PCSK5: variants seen among roughly 807,000 people sequenced by gnomAD.
The protein encoded by PCSK5 is proprotein convertase subtilisin/kexin type 5.
In PCSK5, 129 loss-of-function variants were observed where a neutral mutation model predicts 233.2. That is an observed-to-expected ratio of 0.55 (90% CI 0.48 to 0.64). The LOEUF (loss-of-function observed/expected upper bound fraction) is 0.64. Ranked by LOEUF, PCSK5 falls within the 30% of genes least tolerant of loss-of-function variation. The probability of loss-of-function intolerance (pLI) is 0.00; values close to 1 mark genes in which losing one functional copy is unlikely to be tolerated. For synonymous variants in PCSK5, 825 were observed against 879.2 expected, an observed-to-expected ratio of 0.94 and a Z score of 1.09; for missense variants, 2,076 against 2,430.1, an observed-to-expected ratio of 0.85 and a Z score of 3.06.
At chr9:76,310,909 G>A (rs1360291002) in intron 30 of PCSK5, 58 bp downstream of exon 30, 21 of 1,140,006 alleles carry the variant, frequency 1.8e-5, no homozygotes, top group Non-Finnish European at 2.4e-5. Flanking sequence ...TGGTACTTTG[G>A]GAGCAATTCT....
chr9:76,286,139 C>CA (rs375819018), intron 24 of PCSK5, among the ~76,000 whole-genome samples: 14 of 152,216 alleles, frequency 9.2e-5, no homozygotes, highest in African/African-American at 3.4e-4. Flanking sequence ...TCCTGCAGGT[C>CA]ATTTTTCCCC....
chr9:76,093,173 C>T (rs1189400421), intron 7 of PCSK5, among the ~76,000 whole-genome samples: 1 of 148,246 alleles, frequency 6.7e-6, no homozygotes, highest in East Asian at 2.1e-4. Flanking sequence ...TAGCGCGCTG[C>T]AGCCTCAAAC....
At chr9:76,088,339 G>A (rs7027921) in intron 7 of PCSK5, among the ~76,000 whole-genome samples, 4,756 of 152,200 alleles carry the variant, frequency 0.031, 151 homozygotes, top group African/African-American at 0.077. Flanking sequence ...ATTTTTGCTT[G>A]GAAACAAGTG....
chr9:76,068,825 C>A (rs900542425), intron 6 of PCSK5, among the ~76,000 whole-genome samples: 4 of 152,104 alleles, frequency 2.6e-5, no homozygotes, highest in African/African-American at 9.7e-5. Flanking sequence ...CCCTAGGGGT[C>A]TCCTAAGAGC....
chr9:76,129,597 A>G (rs538102325), intron 9 of PCSK5, among the ~76,000 whole-genome samples: 1 of 152,254 alleles, frequency 6.6e-6, no homozygotes, highest in African/African-American at 2.4e-5. Flanking sequence ...AGTGCAGGTG[A>G]GTCAGTCACC....
intron 6 of PCSK5, among the ~76,000 whole-genome samples, chr9:76,070,648 C>A (rs778263733): frequency 2.6e-5 from 4 of 152,084 alleles, no homozygotes; most frequent in Admixed American, 2.6e-4. Context: ...GTTCATTCTT[C>A]GTTCTTTCTA....
At chr9:75,899,244 A>G (rs1002708715) in intron 1 of PCSK5, among the ~76,000 whole-genome samples, 2 of 152,204 alleles carry the variant, frequency 1.3e-5, no homozygotes, top group Non-Finnish European at 2.9e-5. Context: ...AGAACAAAAG[A>G]ATAGGCTCAG....
Position 76,239,157 on chromosome 9 carries a change from G to A in PCSK5, c.3065G>A (p.Cys1022Tyr), listed in dbSNP as rs1826350242. ...AACCACACATGCCAGAAGTTAGAGT[G>A]TGGACAAGGTAAGCCTGCTCCTGGG... is the stretch of plus-strand genomic sequence containing the variant. ...PTNHTCQKLE[C>Y]GQGEVQDPDY... Residue 1022 changes from cysteine to tyrosine, a missense_variant, in exon 23 of 38, where the codon TGT becomes TAT. This residue lies in a region of PCSK5 where 1,510 missense variants were observed against 1,538.1 expected (regional missense o/e 0.98). Coordinates refer to ENST00000674117, the MANE Select transcript of PCSK5 (RefSeq NM_001372043.1). 1 of 1,578,846 alleles carries A rather than the reference G, an allele frequency of 6.3e-7. No homozygotes were observed. Among genetic ancestry groups the A allele is most frequent in the Non-Finnish European group, 8.6e-7 (1 of 1,162,666 alleles).
intron 1 of PCSK5, among the ~76,000 whole-genome samples, chr9:75,915,627 A>G (rs562479059): frequency 6.6e-6 from 1 of 152,386 alleles, no homozygotes; most frequent in African/African-American, 2.4e-5. Flanking sequence ...CAAATAAAAC[A>G]GGCAATATCC....
chr9:76,361,542 A>G lies in PCSK5; in HGVS notation c.*2620A>G, dbSNP rs1830432414. ...ATAGTGAGACTCCCGTGTCTACAAA[A>G]AATTTAAAAATTAGCCAGGCATGGT... On this transcript the variant is annotated 3_prime_UTR_variant, in exon 38 of 38. Transcript: ENST00000674117. 6.6e-6 allele frequency: 1 copy of G among 151,944 alleles called. No homozygotes were observed. Among genetic ancestry groups the G allele is most frequent in the South Asian group, 2.1e-4 (1 of 4,812 alleles). The allele number at this position is 151,944 out of a possible 1,614,324, so 9.4% of individuals were successfully genotyped here.
intron 5 of PCSK5, among the ~76,000 whole-genome samples, chr9:76,031,667 C>T (rs530688859): frequency 1.3e-3 from 196 of 151,942 alleles, no homozygotes; most frequent in African/African-American, 3.9e-3. Context: ...CCAGCCTGGG[C>T]GAAAGAGCGA....
chr9:76,237,879 G>A (rs7871230), intron 22 of PCSK5, among the ~76,000 whole-genome samples: 20,526 of 152,162 alleles, frequency 0.13, 1,496 homozygotes, highest in African/African-American at 0.18. Flanking sequence ...GTTAAATATC[G>A]GCAATTTCAC....
intron 9 of PCSK5, among the ~76,000 whole-genome samples, chr9:76,114,751 A>T (rs184517114): frequency 4.0e-4 from 61 of 152,298 alleles, no homozygotes; most frequent in African/African-American, 1.4e-3. Flanking sequence ...TATAATAATA[A>T]AGATTGCTTT....
intron 3 of PCSK5, among the ~76,000 whole-genome samples, chr9:75,992,081 G>C (rs901421249): frequency 1.3e-5 from 2 of 152,106 alleles, no homozygotes; most frequent in Non-Finnish European, 2.9e-5. Flanking sequence ...GGGAGACAGA[G>C]CAAGACCCCA....
chr9:76,169,395 G>A (rs112750764), intron 12 of PCSK5, among the ~76,000 whole-genome samples: 74 of 152,120 alleles, frequency 4.9e-4, no homozygotes, highest in African/African-American at 1.7e-3. Flanking sequence ...GCTCCTCCAC[G>A]TCTTCAATAC....
intron 2 of PCSK5, among the ~76,000 whole-genome samples, chr9:75,973,589 T>C (rs573759516): frequency 6.6e-6 from 1 of 152,354 alleles, no homozygotes; most frequent in East Asian, 1.9e-4. Context: ...CTCCTGGATC[T>C]CCGGGAAATC....
chr9:76,323,013 AC>A (rs56332566), intron 31 of PCSK5, 38 bp from the exon 32 acceptor site: 350,881 of 1,128,400 alleles, frequency 0.31, 57,820 homozygotes, highest in African/African-American at 0.43. Context: ...CCTTTCTCCT[AC>A]CCCCCGGGGA....
intron 10 of PCSK5, among the ~76,000 whole-genome samples, chr9:76,146,880 C>T (rs1008409863): frequency 1.3e-5 from 2 of 152,020 alleles, no homozygotes; most frequent in Non-Finnish European, 2.9e-5. Flanking sequence ...GTGAATAATA[C>T]CATCTTGCTA....
intron 20 of PCSK5, among the ~76,000 whole-genome samples, chr9:76,224,545 G>A (rs34337069): frequency 0.083 from 12,652 of 152,276 alleles, 689 homozygotes; most frequent in Admixed American, 0.13. Flanking sequence ...GGGGATGCAA[G>A]CTAGAGATTG....
Sources: allele counts gnomAD v4.1 joint callset (sites outside exome capture counted in the v4.1 genomes callset), GRCh38; gene constraint gnomAD v4.1.1; regional missense constraint gnomAD v4.1.1; transcripts MANE v1.5; gene names NCBI Gene and HGNC (gene_info 2026-07-23, HGNC 2026-07-21).